Variants in FRYL observed in about 807,000 individuals in gnomAD.
FRYL encodes the protein protein furry homolog-like.
A neutral mutation model predicts 351.2 loss-of-function variants in FRYL; 150 were observed. That is an observed-to-expected ratio of 0.43 (90% CI 0.37 to 0.49). The LOEUF is 0.49. Ranked by LOEUF, FRYL falls within the 20% of genes least tolerant of loss-of-function variation. The pLI is 0.00. For synonymous variants in FRYL, 1,153 were observed against 1,257.1 expected (o/e 0.92, Z 1.75); for missense variants, 3,036 against 3,619.3 (o/e 0.84, Z 4.13).
intron 19 of FRYL, among the ~76,000 whole-genome samples, chr4:48,586,037 C>T (rs1742028031): frequency 1.3e-5 from 2 of 152,152 alleles, no homozygotes; most frequent in Admixed American, 6.5e-5. Flanking sequence ...TCTAGGGAAT[C>T]CCTAACTACA....
At chr4:48,500,950 G>A (rs989084776) in intron 62 of FRYL, among the ~76,000 whole-genome samples, 3 of 152,058 alleles carry the variant, frequency 2.0e-5, no homozygotes, top group African/African-American at 7.2e-5. Context: ...GCTGGGTGTG[G>A]TGGTGCACAC....
chr4:48,763,424 TGTACTCC>T (rs1774619192), intron 1 of FRYL, among the ~76,000 whole-genome samples: 1 of 152,100 alleles, frequency 6.6e-6, no homozygotes, highest in African/African-American at 2.4e-5. Flanking sequence ...TTCACACCAC[TGTACTCC>T]AACCTGGATG....
At chr4:48,547,979 T>A (rs1226690524) in intron 40 of FRYL, among the ~76,000 whole-genome samples, 1 of 152,150 alleles carries the variant, frequency 6.6e-6, no homozygotes, top group Non-Finnish European at 1.5e-5. Flanking sequence ...GTAAGCTAAA[T>A]GTGTTTCATG....
intron 1 of FRYL, among the ~76,000 whole-genome samples, 189 bp downstream of exon 1, chr4:48,779,889 G>A (rs1377852420): frequency 1.3e-5 from 2 of 151,762 alleles, no homozygotes; most frequent in African/African-American, 2.4e-5. Flanking sequence ...CGCCGGCCCG[G>A]GCCGCGCCGC....
rs1765370392 is a variant in FRYL, at chr4:48,688,443, A to AT, written c.-203-3649dup. Among the ~76,000 whole-genome samples the AT allele has an allele frequency of 3.3e-5, 5 of 152,332 alleles. No individual in the cohort carries two copies. In the South Asian group the frequency reaches 1.0e-3, roughly 32 times the overall value. ...AATAATCAAGCGCAGGCAGCAAGCA[A>AT]TTAGTCAAATATTGTTTATATCTGA... is the stretch of plus-strand genomic sequence containing the variant. On this transcript the variant is annotated intron_variant, in intron 2 of 63. Transcript: ENST00000358350.
intron 2 of FRYL, among the ~76,000 whole-genome samples, chr4:48,692,784 T>C (rs1765793662): frequency 6.6e-6 from 1 of 152,224 alleles, no homozygotes; most frequent in African/African-American, 2.4e-5. Flanking sequence ...TGTTAAGGTG[T>C]TAGCAAAATG....
At chr4:48,579,663 AT>A (rs1170634888) in intron 22 of FRYL, among the ~76,000 whole-genome samples, 3 of 152,226 alleles carry the variant, frequency 2.0e-5, no homozygotes, top group Non-Finnish European at 4.4e-5. Flanking sequence ...ATATTCTTAA[AT>A]ACTTGTTCAA....
rs1578320625 is a variant in FRYL, at chr4:48,606,589, T to C, written c.590A>G (p.Lys197Arg). The change falls in exon 10 of 64, where the codon AAG (lysine) becomes AGG (arginine). Residue 197 changes from lysine (K) to arginine (R), a missense_variant. Lys to Arg is a conservative substitution (Grantham distance 26). Transcript: ENST00000358350. ...TTCTTTTAATTCTGTCACAAACTTC[T>C]TCCTTACAGCCTGAAACCTTTAATA... is the stretch of plus-strand genomic sequence containing the variant. ...LAQSKFQAVR[K>R]KFVTELKELR... is the part of the protein sequence containing the mutation. 7.5e-6 allele frequency: 12 copies of C among 1,610,388 alleles called. No homozygotes were observed. The East Asian group carries it at 2.5e-4, about 33-fold the overall frequency.
chr4:48,627,261 A>G (rs888859398), intron 4 of FRYL, among the ~76,000 whole-genome samples: 1 of 151,990 alleles, frequency 6.6e-6, no homozygotes, highest in Non-Finnish European at 1.5e-5. Flanking sequence ...ATACAGTAAG[A>G]GGTTTCTTTC....
Position 48,497,939 on chromosome 4 carries a change from T to TAAGCA in FRYL, c.*1478_*1482dup, listed in dbSNP as rs1321221942. ...CACACCCCCCAAGAAAAGGTAAAGCTAAGCATTTCATTTCTACATTCTAAA... is the reference window on the plus strand; with the variant it reads ...CACACCCCCCAAGAAAAGGTAAAGCTAAGCAAAGCATTTCATTTCTACATTCTAAA... On this transcript the variant is annotated 3_prime_UTR_variant, in exon 64 of 64. Transcript: ENST00000358350. The TAAGCA allele has an allele frequency of 2.6e-5, 4 of 152,690 alleles. No individual in the cohort carries two copies. The highest frequency in any genetic ancestry group is 9.6e-5 in the African/African-American group (4 of 41,570). The allele number at this position is 152,690 out of a possible 1,614,324, so 9.5% of individuals were successfully genotyped here.
At chr4:48,687,503 GGGGT>G (rs1456706962) in intron 2 of FRYL, among the ~76,000 whole-genome samples, 151 of 124,892 alleles carry the variant, frequency 1.2e-3, no homozygotes, top group African/African-American at 2.6e-3. Context: ...GGGGGGGGGG[GGGGT>G]GAGGGGGGAG....
intron 3 of FRYL, among the ~76,000 whole-genome samples, chr4:48,635,806 G>C (rs1754103203): frequency 6.6e-6 from 1 of 152,150 alleles, no homozygotes; most frequent in Non-Finnish European, 1.5e-5. Flanking sequence ...CTGAACTCCA[G>C]AGACTGCCCT....
At chr4:48,590,987 A>T (rs542081188) in intron 16 of FRYL, among the ~76,000 whole-genome samples, 157 bp from the exon 17 acceptor site, 15 of 152,364 alleles carry the variant, frequency 9.8e-5, no homozygotes, top group African/African-American at 3.4e-4. Context: ...TAACTAGCAC[A>T]GGCATTAGAA....
intron 20 of FRYL, 36 bp downstream of exon 20, chr4:48,582,461 C>T: frequency 7.6e-7 from 1 of 1,310,274 alleles, no homozygotes; most frequent in Non-Finnish European, 1.1e-6. Context: ...TTAGCACTGA[C>T]CACATACAAA....
Position 48,527,982 on chromosome 4 carries a change from T to C in FRYL, c.7129A>G (p.Lys2377Glu). 6.3e-7 allele frequency: 1 copy of C among 1,577,516 alleles called. No homozygotes were observed. The highest frequency in any genetic ancestry group is 8.5e-7 in the Non-Finnish European group (1 of 1,169,600). The change falls in exon 52 of 64, where the codon AAG becomes GAG. Residue 2377 changes from lysine to glutamate, a missense_variant. Physicochemically the swap from Lys to Glu is moderately conservative, Grantham distance 56. Around this residue, in one of 7 missense-constraint regions of FRYL, gnomAD observed 1,987 missense variants for 2,311.7 expected, o/e 0.86. Transcript: ENST00000358350. Reference protein sequence around the residue: ...SLCGPESGLPKNPSVVFSSNE... With the variant: ...SLCGPESGLPENPSVVFSSNE... ...TCATGATTACTCACTGATGGGTTCT[T>C]TGGGAGGCCAGATTCTGGACCACAG...
chr4:48,660,637 A>G (rs547919163), intron 3 of FRYL, among the ~76,000 whole-genome samples: 2 of 152,306 alleles, frequency 1.3e-5, no homozygotes, highest in South Asian at 4.2e-4. Flanking sequence ...AAAAACAGGA[A>G]GAAATGGGTA....
chr4:48,756,945 C>T (rs1188044799), intron 1 of FRYL, among the ~76,000 whole-genome samples: 1 of 152,098 alleles, frequency 6.6e-6, no homozygotes, highest in Non-Finnish European at 1.5e-5. Context: ...GAGACTCTGT[C>T]TCTAAGGTGA....
rs143623936 is a variant in FRYL at position 48,531,211 on chromosome 4, T to C, written c.6848A>G (p.Asn2283Ser). 219 of 1,612,426 alleles carry C rather than the reference T, an allele frequency of 1.4e-4. No homozygotes were observed. In the East Asian group the frequency reaches 4.2e-3, roughly 31 times the overall value. Residue 2283 changes from asparagine (N) to serine (S), a missense_variant, in exon 50 of 64, where the codon AAT becomes AGT. Asn to Ser is a conservative substitution (Grantham distance 46). Transcript: ENST00000358350. ...PEISFTKIFNNVSKELPGKTL... is the reference protein window; with the variant it reads ...PEISFTKIFNSVSKELPGKTL... Reference sequence around the variant, plus strand: ...CTTCCCAGGCAACTCCTTAGAAACATTATTAAAAATTTTAGTGAAGGATAT... The same window carrying C: ...CTTCCCAGGCAACTCCTTAGAAACACTATTAAAAATTTTAGTGAAGGATAT...
At chr4:48,637,557 A>G (rs1754485540) in intron 3 of FRYL, 1 of 147,304 alleles carries the variant, frequency 6.8e-6, no homozygotes, top group African/African-American at 2.5e-5. Context: ...ATATAATTCT[A>G]AAGATTGCAA....
Sources: gnomAD v4.1 joint callset for allele counts (sites outside exome capture counted in the v4.1 genomes callset) on GRCh38, gnomAD v4.1.1 for gene constraint, gnomAD v4.1.1 regional missense constraint, MANE v1.5 for transcripts, NCBI Gene and HGNC (gene_info 2026-07-23, HGNC 2026-07-21) for gene names.